The following WSB1 variants were observed in gnomAD, a reference collection of about 807,000 sequenced individuals.
WSB1 encodes WD repeat and SOCS box containing 1, also known as WD repeat and SOCS box-containing protein 1.
A neutral mutation model predicts 50.2 loss-of-function variants in WSB1; 23 were observed. The ratio of observed to expected loss-of-function variants is 0.46; its 90% CI spans 0.33 to 0.65. The LOEUF is 0.65. Ranked by LOEUF, WSB1 falls within the 30% of genes least tolerant of loss-of-function variation. The probability of loss-of-function intolerance (pLI) is 0.02; values close to 1 mark genes in which losing one functional copy is unlikely to be tolerated. For missense variants in WSB1, 492 were observed against 522.3 expected (o/e 0.94, Z 0.56); for synonymous variants, 179 against 172.0 (o/e 1.04, Z -0.32).
chr17:27,308,318 G>C (rs2017538463), intron 5 of WSB1: 1 of 985,810 alleles, frequency 1.0e-6, no homozygotes. Flanking sequence ...TTAGAATCCT[G>C]TTTAGAGCTA....
chr17:27,303,295 G>A lies in WSB1; in HGVS notation c.210-72G>A, dbSNP rs1303316201. On this transcript the variant is annotated intron_variant, in intron 2 of 8. Transcript: ENST00000262394. ...ATTGAGGTTATTTTAACAAACACTT[G>A]TAATTATTCAATGTCCAGAGGAGTC... The A allele has an allele frequency of 2.7e-6, 4 of 1,487,680 alleles. No individual in the cohort carries two copies. The East Asian group carries it at 6.8e-5, about 25-fold the overall frequency. 92.2% of individuals were successfully genotyped at this position (1,487,680 alleles called of 1,614,324 possible).
Position 27,294,177 on chromosome 17 carries a change from A to G in WSB1, c.-219A>G, listed in dbSNP as rs1860004942. The stretch of plus-strand genomic sequence containing the variant: ...TTCCTCCGCAGGCGCGAGGCTGGGT[A>G]CAGGGTCTATTGTCTGTGGTTGACT... On this transcript the variant is annotated 5_prime_UTR_variant, in exon 1 of 9. Transcript: ENST00000262394. 1 of 442,070 alleles carries G rather than the reference A, an allele frequency of 2.3e-6. No individual in the cohort carries two copies. The highest frequency in any genetic ancestry group is 2.0e-5 in the African/African-American group (1 of 49,182). The allele number at this position is 442,070 out of a possible 1,614,324, so 27.4% of individuals were successfully genotyped here.
At chr17:27,297,709 G>T (rs2017039046) in intron 1 of WSB1, among the ~76,000 whole-genome samples, 1 of 152,102 alleles carries the variant, frequency 6.6e-6, no homozygotes, top group Non-Finnish European at 1.5e-5. Flanking sequence ...ATCCACCTTG[G>T]CCTACCAAAG....
Position 27,311,612 on chromosome 17 carries a change from G to C in WSB1, c.1102G>C (p.Ala368Pro). Reference sequence around the variant, plus strand: ...CTCTACTGATGGCAGTGTTTTAGCTGCTGGGTAAATATATTTTTCTCTTTT... The same window carrying C: ...CTCTACTGATGGCAGTGTTTTAGCTCCTGGGTAAATATATTTTTCTCTTTT... ...AFSTDGSVLA[A>P]GTHDGSVYFW... Residue 368 changes from alanine (A) to proline (P), a missense_variant, in exon 8 of 9, where the codon GCT (alanine) becomes CCT (proline). By Grantham distance (27) the Ala-to-Pro change is conservative (BLOSUM62 -1). Coordinates refer to ENST00000262394, the MANE Select transcript of WSB1 (RefSeq NM_015626.10). 1 of 1,504,938 alleles carries C rather than the reference G, an allele frequency of 6.6e-7. No homozygotes were observed. The highest frequency in any genetic ancestry group is 9.0e-7 in the Non-Finnish European group (1 of 1,111,182). 93.2% of individuals were successfully genotyped at this position (1,504,938 alleles called of 1,614,324 possible). A position where few individuals can be genotyped will look rare whatever the true frequency, so the allele number is the denominator to read the frequency against.
At chr17:27,307,031 G>A in intron 5 of WSB1, 149 bp downstream of exon 5, 1 of 729,416 alleles carries the variant, frequency 1.4e-6, no homozygotes, top group Non-Finnish European at 2.2e-6. Flanking sequence ...GAATTTGCAT[G>A]AAGGAAATTA....
chr17:27,307,085 G>A (rs1405341576), intron 5 of WSB1: 4 of 573,060 alleles, frequency 7.0e-6, no homozygotes, highest in South Asian at 6.7e-5. Context: ...ATTGTTTTTA[G>A]AGATAATAGA....
chr17:27,296,076 G>T (rs1240030353), intron 1 of WSB1, among the ~76,000 whole-genome samples: 2 of 151,942 alleles, frequency 1.3e-5, no homozygotes, highest in Admixed American at 6.6e-5. Context: ...TCAGGTGATC[G>T]CCCACCTCTG....
chr17:27,305,345 T>C (rs760224046), intron 4 of WSB1, among the ~76,000 whole-genome samples: 6 of 152,340 alleles, frequency 3.9e-5, no homozygotes, highest in East Asian at 1.9e-4. Context: ...CCAGAACTTA[T>C]AACATGTGAA....
intron 1 of WSB1, among the ~76,000 whole-genome samples, chr17:27,300,676 A>C (rs749131381): frequency 2.6e-5 from 4 of 151,082 alleles, no homozygotes; most frequent in Non-Finnish European, 4.4e-5. Context: ...TCACAAATAT[A>C]ATGCATTTTG....
intron 5 of WSB1, chr17:27,308,566 A>T (rs1415404748): frequency 3.0e-6 from 3 of 985,744 alleles, no homozygotes; most frequent in Non-Finnish European, 3.6e-6. Context: ...TTGGCTGTGA[A>T]TATTCTATTT....
chr17:27,315,691 A>G lies in WSB1; in HGVS notation c.*3322A>G, dbSNP rs1039234519. The G allele has an allele frequency of 2.1e-5, 3 of 145,668 alleles. No individual in the cohort carries two copies. The highest frequency in any genetic ancestry group is 8.1e-5 in the African/African-American group (3 of 36,982). The allele number at this position is 145,668 out of a possible 1,614,324, so 9.0% of individuals were successfully genotyped here. On this transcript the variant is annotated 3_prime_UTR_variant, in exon 9 of 9. Coordinates refer to ENST00000262394, the MANE Select transcript of WSB1 (RefSeq NM_015626.10). ...TCAGATGAGGGTTTGTAGGTGACAT[A>G]GCATTTTACCCAAGTAATTCTGAAC...
chr17:27,308,043 A>C, intron 5 of WSB1: 1 of 1,196,126 alleles, frequency 8.4e-7, no homozygotes, highest in Non-Finnish European at 1.0e-6. Flanking sequence ...TGGAATTGGG[A>C]GTCTGACAAG....
Position 27,313,574 on chromosome 17 carries a change from A to C in WSB1, c.*1205A>C, listed in dbSNP as rs889043632. 2.0e-5 allele frequency: 3 copies of C among 152,504 alleles called. No individual in the cohort carries two copies. The highest frequency in any genetic ancestry group is 1.3e-4 in the Admixed American group (2 of 15,268). The allele number at this position is 152,504 out of a possible 1,614,324, so 9.4% of individuals were successfully genotyped here. On this transcript the variant is annotated 3_prime_UTR_variant, in exon 9 of 9. Transcript: ENST00000262394. ...ATTAAGAATGTATGCATTATGTAAA[A>C]TGCTCAATTATATATTTTTGTTGAG...
intron 1 of WSB1, among the ~76,000 whole-genome samples, chr17:27,300,095 C>T (rs978923410): frequency 1.4e-5 from 2 of 141,374 alleles, no homozygotes; most frequent in African/African-American, 5.5e-5. Context: ...ATTTACTGAG[C>T]ACCTGTCATA....
chr17:27,303,169 C>G, intron 2 of WSB1, 198 bp from the exon 3 acceptor site: 1 of 563,998 alleles, frequency 1.8e-6, no homozygotes, highest in Non-Finnish European at 2.9e-6. Flanking sequence ...ACTACTCAGT[C>G]ACTGAGAATT....
intron 1 of WSB1, among the ~76,000 whole-genome samples, chr17:27,301,089 G>C (rs1465726126): frequency 1.3e-5 from 2 of 152,056 alleles, no homozygotes; most frequent in Non-Finnish European, 2.9e-5. Flanking sequence ...GGCCAGGCTG[G>C]TCTCAAACTC....
Position 27,310,120 on chromosome 17 carries a change from G to C in WSB1, c.944G>C (p.Arg315Pro). ...FAGGANDRWV[R>P]SVSFSHDGLH... The stretch of plus-strand genomic sequence containing the variant: ...GGAGGAGCAAATGACCGGTGGGTAC[G>C]ATCTGTATCTTTTAGCCATGATGGA... Residue 315 changes from arginine to proline, a missense_variant, in exon 7 of 9, where the codon CGA becomes CCA. Transcript: ENST00000262394. 1 of 1,614,082 alleles carries C rather than the reference G, an allele frequency of 6.2e-7. No homozygotes were observed. The highest frequency in any genetic ancestry group is 8.5e-7 in the Non-Finnish European group (1 of 1,179,970).
rs1233587911 is a variant in WSB1 at position 27,312,317 on chromosome 17, A to T, written c.1214A>T (p.Gln405Leu). The change falls in exon 9 of 9, where the codon CAG (glutamine) becomes CTG (leucine). Residue 405 changes from glutamine (Q) to leucine (L), a missense_variant. Physicochemically the swap from Gln to Leu is moderately radical, Grantham distance 113. Coordinates refer to ENST00000262394, the MANE Select transcript of WSB1 (RefSeq NM_015626.10). ...AGAGTGATGCCCACCCAAGAAGTTC[A>T]GGAGCTGCCGATTCCTTCCAAGCTT... is the stretch of plus-strand genomic sequence containing the variant. ...IRRVMPTQEV[Q>L]ELPIPSKLLE... is the part of the protein sequence containing the mutation. 1 of 1,614,060 alleles carries T rather than the reference A, an allele frequency of 6.2e-7. No individual in the cohort carries two copies.
At chr17:27,310,655 C>T (rs955242470) in intron 7 of WSB1, among the ~76,000 whole-genome samples, 1 of 152,260 alleles carries the variant, frequency 6.6e-6, no homozygotes, top group East Asian at 1.9e-4. Context: ...TTGAGTAGTT[C>T]GGTGACGTCA....
Sources: allele counts gnomAD v4.1 joint callset (sites outside exome capture counted in the v4.1 genomes callset), GRCh38; gene constraint gnomAD v4.1.1; transcripts MANE v1.5; gene names NCBI Gene and HGNC (gene_info 2026-07-23, HGNC 2026-07-21).